The following CDH4 variants were observed in gnomAD, a reference collection of about 807,000 sequenced individuals.
The protein encoded by CDH4 is cadherin 4.
CDH4 carries 33 observed loss-of-function variants against 86.0 expected under a neutral mutation model. That is an observed-to-expected ratio of 0.38 (90% CI 0.29 to 0.51). CDH4 has a LOEUF of 0.51. Among genes scored for constraint, CDH4 ranks in the 20% least tolerant of loss-of-function variants. The pLI, the probability that CDH4 is intolerant of heterozygous loss-of-function variation, is 0.86. For missense variants in CDH4, 1,114 were observed against 1,307.4 expected (o/e 0.85, Z 2.28); for synonymous variants, 555 against 549.4 (o/e 1.01, Z -0.14).
intron 4 of CDH4, among the ~76,000 whole-genome samples, chr20:61,824,973 G>A (rs1199531056): frequency 2.0e-5 from 3 of 152,116 alleles, no homozygotes; most frequent in Non-Finnish European, 2.9e-5. Flanking sequence ...GGGACCCCAC[G>A]GCCACTTTCG....
chr20:61,933,942 G>A (rs1251523590), intron 14 of CDH4, 114 bp from the exon 15 acceptor site: 1 of 1,221,988 alleles, frequency 8.2e-7, no homozygotes, highest in East Asian at 2.4e-5. Flanking sequence ...TTGGAGACCA[G>A]GCCACAGGGC....
intron 2 of CDH4, among the ~76,000 whole-genome samples, chr20:61,645,975 C>G (rs1031256789): frequency 2.6e-5 from 4 of 152,210 alleles, no homozygotes; most frequent in African/African-American, 7.2e-5. Flanking sequence ...GATTCCAGCT[C>G]TGCAGTGCAC....
chr20:61,319,886 C>T (rs6101309), intron 2 of CDH4, among the ~76,000 whole-genome samples: 358 of 150,596 alleles, frequency 2.4e-3, no homozygotes, highest in African/African-American at 8.6e-3. Context: ...ACCTGGGAGG[C>T]GAAGGATGCA....
intron 7 of CDH4, 145 bp from the exon 8 acceptor site, chr20:61,894,764 GC>G: frequency 1.2e-6 from 1 of 822,946 alleles, no homozygotes; most frequent in Non-Finnish European, 1.9e-6. Flanking sequence ...CTTGGAAAGG[GC>G]CCTGCGCCCA....
chr20:61,383,414 GAT>G (rs2084921833), intron 2 of CDH4, among the ~76,000 whole-genome samples: 2 of 40,900 alleles, frequency 4.9e-5, no homozygotes, highest in Admixed American at 3.1e-4. Flanking sequence ...GAATATATAT[GAT>G]ATATATGATA....
In CDH4 at chr20:61,508,186, G is replaced by T. The variant is rs11907678; in HGVS notation, c.170-235377G>T. The stretch of plus-strand genomic sequence containing the variant: ...TAAATGCCACTTCAGAGACATTGCC[G>T]CCTCCTAAGAGTGGAAGTAAATATG... On this transcript the variant is annotated intron_variant, in intron 2 of 15. Coordinates refer to ENST00000614565, the MANE Select transcript of CDH4 (RefSeq NM_001794.5). Among the ~76,000 whole-genome samples the T allele has an allele frequency of 9.4e-3, 1,431 of 152,342 alleles. 23 individuals carry two copies. Among genetic ancestry groups the T allele is most frequent in the African/African-American group, 0.033 (1,374 of 41,576 alleles).
rs184314854 is a variant in CDH4 at position 61,359,337 on chromosome 20, C to T, written c.169+104400C>T. Among the ~76,000 whole-genome samples, 109 of 152,300 alleles carry T rather than the reference C, an allele frequency of 7.2e-4. No homozygotes were observed. The East Asian group carries it at 0.014, about 20-fold the overall frequency. Reference sequence around the variant, plus strand: ...GCCGACCCCGAATTCTGTGGCCATGCGCCTGTGTGCGTGCTCTCCACCTTC... The same window carrying T: ...GCCGACCCCGAATTCTGTGGCCATGTGCCTGTGTGCGTGCTCTCCACCTTC... On this transcript the variant is annotated intron_variant, in intron 2 of 15. Coordinates refer to ENST00000614565, the MANE Select transcript of CDH4 (RefSeq NM_001794.5).
In CDH4 at chr20:61,910,458, G is replaced by T. The variant is rs557605363; in HGVS notation, c.1225G>T (p.Val409Leu). ...GEVPENRVET[V>L]VANLTVMDRD... ...GGTCCCCGAAAACCGCGTGGAGACC[G>T]TGGTCGCAAACCTCACGGTGATGGA... The change falls in exon 9 of 16, where the codon GTG (valine) becomes TTG (leucine). Residue 409 changes from valine to leucine, a missense_variant. Val to Leu is a conservative substitution (Grantham distance 32). This residue lies in a region of CDH4 where 705 missense variants were observed against 914.1 expected (regional missense o/e 0.77). Transcript: ENST00000614565. 10 of 1,613,740 alleles carry T rather than the reference G, an allele frequency of 6.2e-6. No homozygotes were observed. The highest frequency in any genetic ancestry group is 8.5e-6 in the Non-Finnish European group (10 of 1,179,896).
intron 2 of CDH4, among the ~76,000 whole-genome samples, chr20:61,645,004 G>A (rs1371888198): frequency 1.3e-5 from 2 of 152,230 alleles, no homozygotes; most frequent in African/African-American, 4.8e-5. Flanking sequence ...TGCTCACATG[G>A]CGGGCGAGCT....
At chr20:61,265,922 G>A (rs1222050097) in intron 2 of CDH4, among the ~76,000 whole-genome samples, 1 of 152,210 alleles carries the variant, frequency 6.6e-6, no homozygotes, top group African/African-American at 2.4e-5. Flanking sequence ...AGTGTCCCTT[G>A]TGGGTCCTGA....
At chr20:61,841,598 C>T (rs1163992990) in intron 4 of CDH4, among the ~76,000 whole-genome samples, 3 of 152,194 alleles carry the variant, frequency 2.0e-5, no homozygotes, top group Admixed American at 2.0e-4. Context: ...ACCCGCCCTT[C>T]CCTAGGTCGC....
intron 2 of CDH4, among the ~76,000 whole-genome samples, chr20:61,513,338 G>A (rs775889812): frequency 7.9e-5 from 12 of 152,210 alleles, no homozygotes; most frequent in Non-Finnish European, 1.5e-4. Flanking sequence ...GCACGACTGC[G>A]GGGGCTAACT....
At chr20:61,310,161 G>A (rs1356665449) in intron 2 of CDH4, among the ~76,000 whole-genome samples, 1 of 152,212 alleles carries the variant, frequency 6.6e-6, no homozygotes, top group Admixed American at 6.5e-5. Flanking sequence ...AGAGCCAGCT[G>A]GGGTGGGTAG....
intron 2 of CDH4, among the ~76,000 whole-genome samples, chr20:61,558,926 A>G (rs369775163): frequency 1.3e-5 from 2 of 152,328 alleles, no homozygotes. Context: ...CAGCCTTGCG[A>G]TCCCTCACTG....
intron 2 of CDH4, among the ~76,000 whole-genome samples, chr20:61,429,580 T>G (rs1440826636): frequency 7.0e-6 from 1 of 142,690 alleles, no homozygotes; most frequent in Non-Finnish European, 1.5e-5. Flanking sequence ...GGTGGACAGA[T>G]GGGTGGGTGG....
chr20:61,367,351 G>A (rs556440116), intron 2 of CDH4, among the ~76,000 whole-genome samples: 19 of 152,322 alleles, frequency 1.2e-4, no homozygotes, highest in African/African-American at 2.6e-4. Flanking sequence ...ATAAGTGGAC[G>A]AATGAGTAAA....
chr20:61,396,044 T>C (rs1005741065), intron 2 of CDH4, among the ~76,000 whole-genome samples: 23 of 152,144 alleles, frequency 1.5e-4, no homozygotes, highest in Admixed American at 9.8e-4. Flanking sequence ...CCAAATTTGT[T>C]TGAGTAAATA....
chr20:61,852,943 C>T (rs199657837), intron 6 of CDH4, 45 bp downstream of exon 6: 265 of 1,603,022 alleles, frequency 1.7e-4, no homozygotes, highest in Non-Finnish European at 2.2e-4. Context: ...GTGGGCTCTG[C>T]GGGTGCAGCA....
At chr20:61,801,522 A>T (rs1979828965) in intron 4 of CDH4, among the ~76,000 whole-genome samples, 1 of 151,996 alleles carries the variant, frequency 6.6e-6, no homozygotes, top group Non-Finnish European at 1.5e-5. Context: ...ATCACCACAA[A>T]CCAGGTGGCA....
Sources: gnomAD v4.1 joint callset for allele counts (sites outside exome capture counted in the v4.1 genomes callset) on GRCh38, gnomAD v4.1.1 for gene constraint, gnomAD v4.1.1 regional missense constraint, MANE v1.5 for transcripts, NCBI Gene and HGNC (gene_info 2026-07-23, HGNC 2026-07-21) for gene names.